UBASH3A: variants seen among roughly 807,000 people sequenced by gnomAD.
UBASH3A encodes the protein ubiquitin associated and SH3 domain containing A.
Under a neutral mutation model 73.5 loss-of-function variants are expected in UBASH3A, and 63 were observed. The observed-to-expected ratio is 0.86, with a 90% confidence interval of 0.70 to 1.06. The LOEUF (loss-of-function observed/expected upper bound fraction) is 1.06. UBASH3A is among the 50% of genes least tolerant of loss of function. UBASH3A has a pLI of 0.00. For missense variants in UBASH3A, 860 were observed against 859.0 expected (o/e 1.00, Z -0.02); for synonymous variants, 363 against 351.1 (o/e 1.03, Z -0.38).
chr21:42,412,845 A>G (rs367760987), intron 3 of UBASH3A, among the ~76,000 whole-genome samples, 179 bp from the exon 4 acceptor site: 49 of 152,246 alleles, frequency 3.2e-4, no homozygotes, highest in African/African-American at 1.1e-3. Flanking sequence ...GAAAAAACCG[A>G]GGTCCAGGTA....
intron 3 of UBASH3A, chr21:42,410,422 C>T (rs2053067212): frequency 1.9e-6 from 1 of 530,666 alleles, no homozygotes; most frequent in Admixed American, 3.4e-5. Context: ...TCCATTCCAA[C>T]ACCAGGCCCC....
intron 1 of UBASH3A, 55 bp from the exon 2 acceptor site, chr21:42,406,253 C>T (rs2052973495): frequency 2.1e-5 from 31 of 1,483,716 alleles, no homozygotes; most frequent in Non-Finnish European, 2.9e-5. Context: ...GCCTCTCTGA[C>T]CCTTTTCCCA....
chr21:42,419,209 G>C (rs1051871240), intron 7 of UBASH3A, among the ~76,000 whole-genome samples: 2 of 152,174 alleles, frequency 1.3e-5, no homozygotes, highest in African/African-American at 4.8e-5. Context: ...CTCCTGGTGA[G>C]TTGCTTCTTC....
intron 7 of UBASH3A, among the ~76,000 whole-genome samples, chr21:42,424,546 C>A (rs1205004613): frequency 6.6e-6 from 1 of 152,210 alleles, no homozygotes; most frequent in Non-Finnish European, 1.5e-5. Flanking sequence ...GGGAGCACCC[C>A]TGTGGGACAA....
chr21:42,445,765 G>A (rs1389895908), intron 14 of UBASH3A, among the ~76,000 whole-genome samples: 1 of 152,206 alleles, frequency 6.6e-6, no homozygotes, highest in Admixed American at 6.5e-5. Flanking sequence ...CCAGGGTGGT[G>A]TGTCCCAATT....
intron 3 of UBASH3A, chr21:42,410,028 A>G (rs1436062698): frequency 2.9e-6 from 2 of 700,542 alleles, no homozygotes; most frequent in African/African-American, 3.5e-5. Flanking sequence ...CCTAAAACAG[A>G]GTTTGTGCTT....
At chr21:42,430,826 G>T (rs941218143) in intron 8 of UBASH3A, among the ~76,000 whole-genome samples, 1 of 152,238 alleles carries the variant, frequency 6.6e-6, no homozygotes, top group Admixed American at 6.5e-5. Flanking sequence ...GGAGGTTGAG[G>T]CATGAGTCCT....
In UBASH3A at chr21:42,403,987, C is replaced by T; in HGVS notation, c.42C>T (p.Asn14=). 2 of 1,527,562 alleles carry T rather than the reference C, an allele frequency of 1.3e-6. No homozygotes were observed. The highest frequency in any genetic ancestry group is 2.0e-5 in the Admixed American group (1 of 49,294). The allele number at this position is 1,527,562 out of a possible 1,614,324, so 94.6% of individuals were successfully genotyped here. ...CGCAGCTCTACGCCAAGGTCTCCAA[C>T]AAGCTCAAGAGCCGCAGCAGCCCCT... ...GETQLYAKVS[N]KLKSRSSPSL... Residue 14 remains asparagine (N), a synonymous_variant, in exon 1 of 15, where the codon AAC becomes AAT. Transcript: ENST00000319294.
intron 7 of UBASH3A, among the ~76,000 whole-genome samples, chr21:42,425,412 C>T (rs1011040748): frequency 2.6e-5 from 4 of 152,212 alleles, no homozygotes; most frequent in African/African-American, 9.6e-5. Flanking sequence ...TGGGTGCCCT[C>T]GCCTTGCCCT....
intron 7 of UBASH3A, among the ~76,000 whole-genome samples, chr21:42,421,051 T>A (rs1176216407): frequency 2.0e-5 from 3 of 152,244 alleles, no homozygotes; most frequent in African/African-American, 7.2e-5. Context: ...TGTCGTTCAG[T>A]CTGGCCAAGT....
Position 42,409,581 on chromosome 21 carries a change from A to T in UBASH3A, c.327A>T (p.Pro109=), listed in dbSNP as rs1160530455. The part of the protein sequence containing the change: ...CAKNRAHEVF[P]HVTLCDFFTC... ...AGAACAGAGCTCATGAGGTCTTCCCACACGTGACACTCTGTGACTTCTTCA... is the reference window on the plus strand; with the variant it reads ...AGAACAGAGCTCATGAGGTCTTCCCTCACGTGACACTCTGTGACTTCTTCA... The change falls in exon 3 of 15, where the codon CCA becomes CCT. Residue 109 remains proline (P), a synonymous_variant. Coordinates refer to ENST00000319294, the MANE Select transcript of UBASH3A (RefSeq NM_018961.4). 4 of 1,612,658 alleles carry T rather than the reference A, an allele frequency of 2.5e-6. No individual in the cohort carries two copies. The highest frequency in any genetic ancestry group is 3.4e-6 in the Non-Finnish European group (4 of 1,179,526).
At chr21:42,421,700 G>C (rs1185135927) in intron 7 of UBASH3A, among the ~76,000 whole-genome samples, 3 of 152,178 alleles carry the variant, frequency 2.0e-5, no homozygotes, top group Non-Finnish European at 4.4e-5. Context: ...CGTTTTATTT[G>C]AGTAGTCATT....
chr21:42,407,021 TG>T (rs1421662847), intron 2 of UBASH3A, among the ~76,000 whole-genome samples: 1 of 152,056 alleles, frequency 6.6e-6, no homozygotes, highest in African/African-American at 2.4e-5. Context: ...GCCAGGTGTG[TG>T]GGTCTAAGGG....
In UBASH3A at chr21:42,403,987, CA is replaced by C; in HGVS notation, c.44del (p.Lys15SerfsTer25). The C allele has an allele frequency of 6.5e-7, 1 of 1,527,562 alleles. No homozygotes were observed. The highest frequency in any genetic ancestry group is 8.8e-7 in the Non-Finnish European group (1 of 1,133,498). 94.6% of individuals were successfully genotyped at this position (1,527,562 alleles called of 1,614,324 possible). ...CGCAGCTCTACGCCAAGGTCTCCAA[CA>C]AGCTCAAGAGCCGCAGCAGCCCCTC... ...ETQLYAKVSN[K>X]LKSRSSPSLL... is the part of the protein sequence containing the mutation. On this transcript the variant is annotated frameshift_variant, in exon 1 of 15. Transcript: ENST00000319294. LOFTEE classifies it high-confidence loss of function.
intron 7 of UBASH3A, among the ~76,000 whole-genome samples, chr21:42,424,586 G>C (rs1264363245): frequency 1.3e-5 from 2 of 152,094 alleles, no homozygotes; most frequent in Non-Finnish European, 2.9e-5. Flanking sequence ...GTGAGGGCTC[G>C]GGAGAATAAG....
chr21:42,404,423 T>C (rs1400533469), intron 1 of UBASH3A, among the ~76,000 whole-genome samples: 1 of 152,186 alleles, frequency 6.6e-6, no homozygotes, highest in Non-Finnish European at 1.5e-5. Flanking sequence ...AGTGTTAGCG[T>C]ATTTTATGTG....
chr21:42,408,900 A>AAATAAAATAT (rs2053032190), intron 2 of UBASH3A, among the ~76,000 whole-genome samples: 2 of 109,196 alleles, frequency 1.8e-5, no homozygotes, highest in African/African-American at 6.2e-5. Flanking sequence ...AAATAAAATA[A>AAATAAAATAT]AATAAAATAA....
At chr21:42,417,729 G>A (rs1170393049) in intron 6 of UBASH3A, 1 of 151,786 alleles carries the variant, frequency 6.6e-6, no homozygotes. Context: ...ACCATGTTCT[G>A]TATCGTATGA....
intron 2 of UBASH3A, among the ~76,000 whole-genome samples, chr21:42,407,635 G>T (rs2053004564): frequency 6.6e-6 from 1 of 152,228 alleles, no homozygotes; most frequent in Non-Finnish European, 1.5e-5. Flanking sequence ...AACTCCAAGT[G>T]TTGATGAGGG....
Sources: gnomAD v4.1 joint callset for allele counts (sites outside exome capture counted in the v4.1 genomes callset) on GRCh38, gnomAD v4.1.1 for gene constraint, MANE v1.5 for transcripts, NCBI Gene and HGNC (gene_info 2026-07-23, HGNC 2026-07-21) for gene names.